The following AFDN variants were observed in gnomAD, a reference collection of about 807,000 sequenced individuals.
AFDN encodes afadin.
Under a neutral mutation model 216.6 loss-of-function variants are expected in AFDN, and 68 were observed. The observed-to-expected ratio is 0.31, with a 90% confidence interval of 0.26 to 0.38. The LOEUF (loss-of-function observed/expected upper bound fraction) is 0.38, where lower values mean the gene tolerates loss of function less well. AFDN is among the 10% of genes least tolerant of loss of function. AFDN has a pLI of 1.00. For synonymous variants in AFDN, 868 were observed against 853.7 expected (o/e 1.02, Z -0.29); for missense variants, 2,136 against 2,342.0 (o/e 0.91, Z 1.82).
intron 6 of AFDN, among the ~76,000 whole-genome samples, chr6:167,885,821 C>T (rs1288429904): frequency 1.3e-5 from 2 of 152,194 alleles, no homozygotes; most frequent in East Asian, 3.8e-4. Context: ...AATAAAGCAA[C>T]AAGGTATGCC....
Position 167,962,321 on chromosome 6 carries a change from T to C in AFDN, c.4834-112T>C, listed in dbSNP as rs562605641. On this transcript the variant is annotated intron_variant, in intron 30 of 33. Transcript: ENST00000683244. The surrounding 1 kb of genome is among the most constrained non-coding windows in gnomAD (Gnocchi z 5.2). ...TTTAACCTGGTATTTTATATTTAAC[T>C]TTCTGTGTGTGTGTGTTTGTGTATA... 4.5e-5 allele frequency: 62 copies of C among 1,376,216 alleles called. No individual in the cohort carries two copies. The highest frequency in any genetic ancestry group is 6.0e-5 in the Non-Finnish European group (62 of 1,037,016). 85.3% of individuals were successfully genotyped at this position (1,376,216 alleles called of 1,614,324 possible).
intron 23 of AFDN, among the ~76,000 whole-genome samples, chr6:167,941,713 G>A (rs1562713181): frequency 1.6e-5 from 1 of 61,236 alleles, no homozygotes; most frequent in Non-Finnish European, 3.0e-5. Flanking sequence ...AGGGATGTAG[G>A]GGTGAGGGTG....
intron 1 of AFDN, among the ~76,000 whole-genome samples, chr6:167,843,832 T>G (rs1188806405): frequency 6.6e-6 from 1 of 152,206 alleles, no homozygotes; most frequent in Admixed American, 6.5e-5. Flanking sequence ...TATAATCTGC[T>G]CATATAATTA....
chr6:167,848,468 C>A (rs767428427), intron 1 of AFDN, among the ~76,000 whole-genome samples: 1 of 152,014 alleles, frequency 6.6e-6, no homozygotes, highest in East Asian at 1.9e-4. Context: ...TTCTGTTGTC[C>A]GTATTCTATC....
intron 1 of AFDN, among the ~76,000 whole-genome samples, chr6:167,852,156 G>A (rs760520702): frequency 9.2e-5 from 14 of 152,016 alleles, no homozygotes; most frequent in Non-Finnish European, 1.8e-4. Context: ...AACAAAATTA[G>A]CCAGAATTCT....
chr6:167,867,487 C>T (rs1445964027), intron 2 of AFDN, among the ~76,000 whole-genome samples: 2 of 147,756 alleles, frequency 1.4e-5, no homozygotes, highest in African/African-American at 2.5e-5. Flanking sequence ...TGGAGTGCAG[C>T]GGCATGATCT....
rs547446145 is a variant in AFDN, at chr6:167,909,418, ATTAG to A, written c.1770-1678_1770-1675del. On this transcript the variant is annotated intron_variant, in intron 13 of 33. Coordinates refer to ENST00000683244, the MANE Select transcript of AFDN (RefSeq NM_001386888.1). ...AGAATGGTTTGCTGTTGAAAAAAAA[ATTAG>A]TTAGCCAGTCTGTAAACTATTATAA... 9.7e-4 allele frequency among the ~76,000 whole-genome samples: 148 copies of A among 152,198 alleles called. 1 individual carries two copies. Among genetic ancestry groups the A allele is most frequent in the Middle Eastern group, 3.4e-3 (1 of 294 alleles).
chr6:167,970,501 C>T lies in AFDN; in HGVS notation c.*566C>T, dbSNP rs1270184770. ...CCCACAATATCCTTCTAGTCTGCAT[C>T]GTGAAGTGGCTTAGGCCAAAGCTTC... On this transcript the variant is annotated 3_prime_UTR_variant, in exon 34 of 34. Coordinates refer to ENST00000683244, the MANE Select transcript of AFDN (RefSeq NM_001386888.1). 3 of 217,618 alleles carry T rather than the reference C, an allele frequency of 1.4e-5. No individual in the cohort carries two copies. Among genetic ancestry groups the T allele is most frequent in the South Asian group, 1.9e-4 (1 of 5,396 alleles). 13.5% of individuals were successfully genotyped at this position (217,618 alleles called of 1,614,324 possible). A position where few individuals can be genotyped will look rare whatever the true frequency, so the allele number is the denominator to read the frequency against.
At chr6:167,909,409 G>A (rs1790108849) in intron 13 of AFDN, among the ~76,000 whole-genome samples, 2 of 150,352 alleles carry the variant, frequency 1.3e-5, no homozygotes, top group African/African-American at 4.9e-5. Flanking sequence ...GTTTGCTGTT[G>A]AAAAAAAAAT....
At chr6:167,894,013 TATA>T (rs1787931855) in intron 9 of AFDN, 107 bp downstream of exon 9, 1 of 833,784 alleles carries the variant, frequency 1.2e-6, no homozygotes, top group Admixed American at 2.1e-5. Context: ...TTTTAGTTGA[TATA>T]AATAACCTAT....
chr6:167,904,947 A>T (rs115394515), intron 12 of AFDN, among the ~76,000 whole-genome samples: 1 of 152,036 alleles, frequency 6.6e-6, no homozygotes, highest in Non-Finnish European at 1.5e-5. Flanking sequence ...CTCAGCCCCT[A>T]TGCCCTGAGC....
chr6:167,922,600 A>G (rs369884633), intron 21 of AFDN, among the ~76,000 whole-genome samples: 47 of 152,320 alleles, frequency 3.1e-4, no homozygotes, highest in South Asian at 1.9e-3. Context: ...TTATAGGAGT[A>G]AGAAAAAAGT....
At position 167,951,423 on chromosome 6, in the gene AFDN, C is replaced by G; in HGVS notation, c.4069C>G (p.Pro1357Ala). Residue 1357 changes from proline (P) to alanine (A), a missense_variant, in exon 30 of 34, where the codon CCG becomes GCG. By Grantham distance (27) the Pro-to-Ala change is conservative (BLOSUM62 -1). Around this residue, in one of 8 missense-constraint regions of AFDN, gnomAD observed 981 missense variants for 966.0 expected, o/e 1.02. Transcript: ENST00000683244. The surrounding 1 kb of genome is among the most constrained non-coding windows in gnomAD (Gnocchi z 7.1). ...CCGTTGGAAAACACCAGCAGCCATA[C>G]CGGCCACCCCTGTGGCCGTCTCCCA... ...PGRWKTPAAIPATPVAVSQPI... is the reference protein window; with the variant it reads ...PGRWKTPAAIAATPVAVSQPI... 1.2e-6 allele frequency: 2 copies of G among 1,614,086 alleles called. No individual in the cohort carries two copies. Among genetic ancestry groups the G allele is most frequent in the East Asian group, 4.5e-5 (2 of 44,858 alleles).
In AFDN at chr6:167,891,005, C is replaced by T; in HGVS notation, c.1153C>T (p.Pro385Ser). 1.2e-6 allele frequency: 2 copies of T among 1,613,696 alleles called. No homozygotes were observed. The highest frequency in any genetic ancestry group is 1.1e-5 in the South Asian group (1 of 90,986). ...YGSTLPPEKL[P>S]YLVELSPGRR... is the part of the protein sequence containing the mutation. ...CTCCACCCTTCCTCCGGAGAAGCTGCCCTATTTAGTAGAGTTAAGCCCAGG... is the reference window on the plus strand; with the variant it reads ...CTCCACCCTTCCTCCGGAGAAGCTGTCCTATTTAGTAGAGTTAAGCCCAGG... The change falls in exon 8 of 34, where the codon CCC becomes TCC. Residue 385 changes from proline to serine, a missense_variant. Pro to Ser is a moderately conservative substitution (Grantham distance 74). Around this residue, in one of 8 missense-constraint regions of AFDN, gnomAD observed 817 missense variants for 965.7 expected, o/e 0.85. Transcript: ENST00000683244.
At chr6:167,927,069 T>A (rs578085666) in intron 23 of AFDN, among the ~76,000 whole-genome samples, 1 of 152,322 alleles carries the variant, frequency 6.6e-6, no homozygotes, top group South Asian at 2.1e-4. Flanking sequence ...AAATTTGTTA[T>A]CCATAATCTT....
chr6:167,919,723 CCA>C (rs1791542553), intron 21 of AFDN, among the ~76,000 whole-genome samples: 1 of 152,214 alleles, frequency 6.6e-6, no homozygotes, highest in Admixed American at 6.5e-5. Context: ...ATCAAAAACA[CCA>C]CAGTTATTTC....
chr6:167,827,030 GC>G lies in AFDN; in HGVS notation c.-101del, dbSNP rs1779156046. 1 of 396,850 alleles carries G rather than the reference GC, an allele frequency of 2.5e-6. No individual in the cohort carries two copies. Among genetic ancestry groups the G allele is most frequent in the African/African-American group, 2.2e-5 (1 of 45,502 alleles). 24.6% of individuals were successfully genotyped at this position (396,850 alleles called of 1,614,324 possible). A position where few individuals can be genotyped will look rare whatever the true frequency, so the allele number is the denominator to read the frequency against. The stretch of plus-strand genomic sequence containing the variant: ...GGAGGCAGCCGCGGAGGCGGAGGCG[GC>G]CGGCGGGGGGTGGCGAGGGGCGCCG... On this transcript the variant is annotated 5_prime_UTR_variant, in exon 1 of 34. Coordinates refer to ENST00000683244, the MANE Select transcript of AFDN (RefSeq NM_001386888.1).
chr6:167,839,626 G>A (rs1258097798), intron 1 of AFDN, among the ~76,000 whole-genome samples: 1 of 152,118 alleles, frequency 6.6e-6, no homozygotes, highest in African/African-American at 2.4e-5. Flanking sequence ...GCTTGACGTT[G>A]ACTCCTAGCC....
intron 29 of AFDN, among the ~76,000 whole-genome samples, chr6:167,948,868 G>A (rs575047626): frequency 6.6e-6 from 1 of 152,240 alleles, no homozygotes; most frequent in Admixed American, 6.5e-5. Flanking sequence ...TCAGTGCTGT[G>A]GGAGAAGAGG....
Sources: allele counts gnomAD v4.1 joint callset (sites outside exome capture counted in the v4.1 genomes callset), GRCh38; gene constraint gnomAD v4.1.1; regional missense constraint gnomAD v4.1.1; non-coding constraint Gnocchi (gnomAD v3.1); transcripts MANE v1.5; gene names NCBI Gene and HGNC (gene_info 2026-07-23, HGNC 2026-07-21).